The following DMD variants were observed in gnomAD, a reference collection of about 807,000 sequenced individuals.
DMD encodes mutant dystrophin.
In DMD, 63 loss-of-function variants were observed where a neutral mutation model predicts 330.1. The ratio of observed to expected loss-of-function variants is 0.19; its 90% confidence interval spans 0.16 to 0.24. DMD has a LOEUF of 0.24. Among genes scored for constraint, DMD ranks in the 10% least tolerant of loss-of-function variants. DMD has a pLI of 1.00. For missense variants in DMD, 3,344 were observed against 2,684.1 expected, an observed-to-expected ratio of 1.25 and a Z score of -5.43; for synonymous variants, 1,223 against 959.8, an observed-to-expected ratio of 1.27 and a Z score of -5.07.
At chrX:32,146,420 G>C (rs1170591547) in intron 44 of DMD, among the ~76,000 whole-genome samples, 1 of 111,158 alleles carries the variant, frequency 9.0e-6, no homozygotes, top group African/African-American at 3.3e-5. Context: ...TGAATAAGTG[G>C]ATGGATGGAT....
intron 43 of DMD, among the ~76,000 whole-genome samples, chrX:32,227,504 T>C (rs1171086497): frequency 9.4e-6 from 1 of 106,661 alleles, no homozygotes; most frequent in Non-Finnish European, 1.9e-5. Context: ...GGAAGCTAAA[T>C]AATGTGTACA....
chrX:31,231,619 C>A (rs936280475), intron 63 of DMD, among the ~76,000 whole-genome samples: 3 of 112,598 alleles, frequency 2.7e-5, no homozygotes, highest in Non-Finnish European at 5.6e-5. Context: ...GTGGCTCGCG[C>A]CTGTAATCCC....
chrX:32,571,434 C>A (rs747644796), intron 15 of DMD, among the ~76,000 whole-genome samples: 19 of 111,421 alleles, frequency 1.7e-4, no homozygotes, highest in Admixed American at 6.7e-4. Flanking sequence ...TTTGTGATAC[C>A]ACTTTCCCCT....
At chrX:32,201,376 T>C (rs2097035869) in intron 44 of DMD, among the ~76,000 whole-genome samples, 1 of 109,777 alleles carries the variant, frequency 9.1e-6, no homozygotes, top group East Asian at 2.9e-4. Context: ...GATATTTTGT[T>C]CCACCACTGT....
intron 62 of DMD, among the ~76,000 whole-genome samples, chrX:31,277,595 A>T (rs1383535681): frequency 9.0e-6 from 1 of 111,096 alleles, no homozygotes; most frequent in Non-Finnish European, 1.9e-5. Flanking sequence ...AAATCCCTTC[A>T]GCAGTTTTCA....
chrX:32,581,294 T>C (rs1601865166), intron 13 of DMD, among the ~76,000 whole-genome samples: 1 of 112,080 alleles, frequency 8.9e-6, no homozygotes, highest in African/African-American at 3.2e-5. Flanking sequence ...TAGGTAGTAA[T>C]GGGGACTGTG....
intron 2 of DMD, among the ~76,000 whole-genome samples, chrX:32,945,304 T>C (rs1453629444): frequency 3.6e-5 from 4 of 111,576 alleles, no homozygotes; most frequent in Non-Finnish European, 7.5e-5. Flanking sequence ...AAAAGAGAAA[T>C]TAGCATTTAG....
intron 60 of DMD, among the ~76,000 whole-genome samples, chrX:31,410,481 T>C (rs1271992995): frequency 1.8e-5 from 2 of 111,499 alleles, no homozygotes; most frequent in Non-Finnish European, 3.8e-5. Flanking sequence ...TTTCACAATG[T>C]AGAAGTTTAA....
At chrX:33,004,207 T>G (rs187818671) in intron 2 of DMD, among the ~76,000 whole-genome samples, 1 of 112,011 alleles carries the variant, frequency 8.9e-6, no homozygotes, top group East Asian at 2.8e-4. Context: ...TTTAAAAAGG[T>G]GTAACTCTAC....
chrX:32,319,116 C>A (rs2097597363), intron 41 of DMD, among the ~76,000 whole-genome samples: 1 of 111,504 alleles, frequency 9.0e-6, no homozygotes, highest in South Asian at 3.7e-4. Context: ...CATTTTTATA[C>A]AGATTTTCAA....
chrX:31,877,892 A>G (rs950924071), intron 47 of DMD, among the ~76,000 whole-genome samples: 1 of 111,973 alleles, frequency 8.9e-6, no homozygotes, highest in Non-Finnish European at 1.9e-5. Context: ...TCAACTAACA[A>G]CATCTAAATG....
intron 44 of DMD, among the ~76,000 whole-genome samples, chrX:32,067,509 C>T (rs933792373): frequency 2.7e-5 from 3 of 110,638 alleles, no homozygotes; most frequent in Non-Finnish European, 5.7e-5. Context: ...CTCCCCCTTT[C>T]CTTTCCCCTT....
intron 1 of DMD, among the ~76,000 whole-genome samples, chrX:33,134,903 T>C (rs66744850): frequency 0.048 from 5,399 of 111,670 alleles, 313 homozygotes; most frequent in African/African-American, 0.17. Flanking sequence ...GTCTCCTATA[T>C]GAGAACAACA....
intron 1 of DMD, among the ~76,000 whole-genome samples, chrX:33,179,426 G>A (rs1173613159): frequency 9.0e-6 from 1 of 111,232 alleles, no homozygotes; most frequent in Non-Finnish European, 1.9e-5. Context: ...GGGTGCGATG[G>A]CTCACCACTG....
At chrX:32,754,126 T>C (rs763290355) in intron 7 of DMD, among the ~76,000 whole-genome samples, 1 of 111,792 alleles carries the variant, frequency 8.9e-6, no homozygotes, top group Non-Finnish European at 1.9e-5. Context: ...TAAAACAATA[T>C]TTAGAGTTGC....
At position 32,844,881 on chromosome X, in the gene DMD, T is replaced by C. The variant is rs754074352; in HGVS notation, c.187-21A>G. The C allele has an allele frequency of 8.7e-6, 10 of 1,154,383 alleles. No individual in the cohort carries two copies. In the African/African-American group the frequency reaches 1.1e-4, roughly 12 times the overall value. ...TTTGGCTGAGAACAAAACAAAAGAG[T>C]GTTCACTGACCAGCAGAGAGACCGA... is the stretch of plus-strand genomic sequence containing the variant. On this transcript the variant is annotated intron_variant, in intron 3 of 78. Coordinates refer to ENST00000357033, the MANE Select transcript of DMD (RefSeq NM_004006.3).
Position 33,105,157 on chromosome X carries a change from T to C in DMD, c.32-84957A>G, listed in dbSNP as rs150339176. 1.1e-3 allele frequency among the ~76,000 whole-genome samples: 121 copies of C among 111,773 alleles called. No individual in the cohort carries two copies. The East Asian group carries it at 0.027, about 24-fold the overall frequency. ...AAACCAATTTACCTTCAACAAAGCA[T>C]ACAAAAACATAAATTGGGCAAAGGA... On this transcript the variant is annotated intron_variant, in intron 1 of 78. Transcript: ENST00000357033.
Position 33,199,387 on chromosome X carries a change from G to T in DMD, c.31+11895C>A, listed in dbSNP as rs533810942. On this transcript the variant is annotated intron_variant, in intron 1 of 78. Coordinates refer to ENST00000357033, the MANE Select transcript of DMD (RefSeq NM_004006.3). ...GGGTAAAAAAGATCAGAGTTTCAAG[G>T]ATGAGATATGTTTCTGGCTTGTGAA... 9.9e-5 allele frequency among the ~76,000 whole-genome samples: 11 copies of T among 111,292 alleles called. No homozygotes were observed. In the East Asian group the frequency reaches 1.7e-3, roughly 17 times the overall value.
rs929924672 is a variant in DMD at position 31,612,736 on chromosome X, A to T, written c.8217+14937T>A. The stretch of plus-strand genomic sequence containing the variant: ...TTTGGGGCAAACTATAGACAAAGAA[A>T]AGCAAATAAAGAAGTGAAATAAAGA... On this transcript the variant is annotated intron_variant, in intron 55 of 78. Transcript: ENST00000357033. Among the ~76,000 whole-genome samples, 4 of 112,010 alleles carry T rather than the reference A, an allele frequency of 3.6e-5. No individual in the cohort carries two copies. In the Admixed American group the frequency reaches 3.8e-4, roughly 11 times the overall value.
Sources: gnomAD v4.1 joint callset for allele counts (sites outside exome capture counted in the v4.1 genomes callset) on GRCh38, gnomAD v4.1.1 for gene constraint, MANE v1.5 for transcripts, NCBI Gene and HGNC (gene_info 2026-07-23, HGNC 2026-07-21) for gene names.